ZNG1A: variants seen among roughly 807,000 people sequenced by gnomAD.
ZNG1A encodes zinc-regulated GTPase metalloprotein activator 1A.
At chr9:125,241 T>C in the ZNG1A span, among the ~76,000 whole-genome samples, 1 of 151,278 alleles carries the variant, frequency 6.6e-6, no homozygotes, top group Non-Finnish European at 1.5e-5. Flanking sequence ...TTTTTTATTA[T>C]GGCCATTCTT....
At chr9:156,545 G>A in the ZNG1A span, 8 of 1,595,404 alleles carry the variant, frequency 5.0e-6, no homozygotes, top group South Asian at 6.6e-5. Context: ...AAAAAAAGTT[G>A]GAATAAAGTT....
the ZNG1A span, chr9:172,330 C>T: frequency 1.2e-6 from 1 of 818,896 alleles, no homozygotes; most frequent in South Asian, 1.9e-5. Flanking sequence ...ATGTCCGTCC[C>T]ATATTTACCA....
chr9:126,686 T>G, the ZNG1A span, among the ~76,000 whole-genome samples: 267 of 152,194 alleles, frequency 1.8e-3, no homozygotes, highest in African/African-American at 5.6e-3. Flanking sequence ...TGGATTTTTT[T>G]TGTTGTTTTG....
the ZNG1A span, chr9:172,171 C>A: frequency 6.2e-7 from 1 of 1,610,976 alleles, no homozygotes; most frequent in Non-Finnish European, 8.5e-7. Context: ...AGGCCACTGT[C>A]CCTGGAGAAT....
chr9:163,978 C>A, the ZNG1A span: 8 of 1,594,664 alleles, frequency 5.0e-6, no homozygotes, highest in Non-Finnish European at 6.8e-6. Flanking sequence ...TTTAACTTAC[C>A]ATCAAGATAA....
the ZNG1A span, chr9:156,560 T>C: frequency 9.4e-6 from 15 of 1,591,056 alleles, no homozygotes; most frequent in Admixed American, 5.0e-5. Flanking sequence ...AAAGTTACTA[T>C]AATACAATAA....
chr9:174,945 T>C, the ZNG1A span, among the ~76,000 whole-genome samples: 2 of 151,490 alleles, frequency 1.3e-5, no homozygotes, highest in Non-Finnish European at 2.9e-5. Context: ...TATGTTTACC[T>C]TTATTTTTAA....
chr9:169,602 C>G, the ZNG1A span, among the ~76,000 whole-genome samples: 1 of 145,102 alleles, frequency 6.9e-6, no homozygotes, highest in African/African-American at 2.6e-5. Flanking sequence ...GGAGAGTCAA[C>G]TAATGCAGCA....
At chr9:127,468 G>C in the ZNG1A span, among the ~76,000 whole-genome samples, 1 of 152,006 alleles carries the variant, frequency 6.6e-6, no homozygotes, top group Non-Finnish European at 1.5e-5. Context: ...TTTCTTTAAA[G>C]TTTGTTTTGT....
At chr9:170,055 ATG>A in the ZNG1A span, among the ~76,000 whole-genome samples, 2 of 147,300 alleles carry the variant, frequency 1.4e-5, no homozygotes, top group Admixed American at 1.3e-4. Flanking sequence ...AAACAAAAAA[ATG>A]TGTGTGACTC....
chr9:161,931 ACAT>A, the ZNG1A span, among the ~76,000 whole-genome samples: 4 of 151,192 alleles, frequency 2.6e-5, no homozygotes, highest in Non-Finnish European at 5.9e-5. Flanking sequence ...GTTCCAGGGT[ACAT>A]GCTCAGGATG....
At chr9:177,600 T>C in the ZNG1A span, 1 of 1,529,120 alleles carries the variant, frequency 6.5e-7, no homozygotes, top group Non-Finnish European at 8.8e-7. Flanking sequence ...AGAACAGCGT[T>C]TCAAAAAGGG....
the ZNG1A span, among the ~76,000 whole-genome samples, chr9:142,218 C>T: frequency 6.9e-6 from 1 of 144,664 alleles, no homozygotes; most frequent in South Asian, 2.3e-4. Context: ...GAACTCTCCA[C>T]CCCAAATCAA....
chr9:148,664 A>ATCC, the ZNG1A span: 3 of 134,602 alleles, frequency 2.2e-5, no homozygotes, highest in Non-Finnish European at 4.8e-5. Context: ...AGGGAAAGAA[A>ATCC]AAGCTTCAAA....
chr9:124,070 G>C, the ZNG1A span, among the ~76,000 whole-genome samples: 1 of 152,168 alleles, frequency 6.6e-6, no homozygotes, highest in South Asian at 2.1e-4. Flanking sequence ...AGAATGATAG[G>C]ATAATGCCCT....
At chr9:168,521 A>G in the ZNG1A span, among the ~76,000 whole-genome samples, 1 of 150,444 alleles carries the variant, frequency 6.6e-6, no homozygotes, top group African/African-American at 2.5e-5. Context: ...CAAAGTGCTG[A>G]GATTACAGGC....
At chr9:171,964 A>C in the ZNG1A span, 2 of 1,523,364 alleles carry the variant, frequency 1.3e-6, no homozygotes, top group African/African-American at 2.8e-5. Flanking sequence ...AACCAAAAAA[A>C]GTTTTTGGTT....
At chr9:165,987 AAT>A in the ZNG1A span, 3 of 147,316 alleles carry the variant, frequency 2.0e-5, no homozygotes, top group African/African-American at 7.8e-5. Flanking sequence ...ACTTACCAGA[AAT>A]ACACTCCAAA....
At chr9:160,328 T>C in the ZNG1A span, among the ~76,000 whole-genome samples, 2 of 151,868 alleles carry the variant, frequency 1.3e-5, no homozygotes, top group African/African-American at 4.8e-5. Context: ...ATTATCCAAG[T>C]GTCATTACTT....
Sources: gnomAD v4.1 joint callset for allele counts (sites outside exome capture counted in the v4.1 genomes callset) on GRCh38, gnomAD v4.1.1 for gene constraint, MANE v1.5 for transcripts, NCBI Gene and HGNC (gene_info 2026-07-23, HGNC 2026-07-21) for gene names.